Variants in SLIT3 observed in about 807,000 individuals in gnomAD.
SLIT3 encodes the protein slit homolog 3 protein.
Under a neutral mutation model 184.0 loss-of-function variants are expected in SLIT3, and 68 were observed. The observed-to-expected ratio is 0.37, with a 90% CI of 0.30 to 0.45. The LOEUF (loss-of-function observed/expected upper bound fraction) is 0.45, where lower values mean the gene tolerates loss of function less well. Among genes scored for constraint, SLIT3 ranks in the 20% least tolerant of loss-of-function variants. SLIT3 has a pLI of 1.00. For missense variants in SLIT3, 1,707 were observed against 2,026.0 expected, an observed-to-expected ratio of 0.84 and a Z score of 3.02; for synonymous variants, 831 against 828.6, an observed-to-expected ratio of 1.00 and a Z score of -0.05.
intron 20 of SLIT3, among the ~76,000 whole-genome samples, chr5:168,740,989 A>C (rs1451359646): frequency 6.6e-6 from 1 of 152,208 alleles, no homozygotes; most frequent in Non-Finnish European, 1.5e-5. Context: ...AGGGAAGGGC[A>C]GGAAGCTCAC....
intron 1 of SLIT3, among the ~76,000 whole-genome samples, chr5:169,279,246 G>A (rs1236104536): frequency 2.6e-5 from 4 of 152,224 alleles, no homozygotes; most frequent in African/African-American, 7.2e-5. Context: ...CAAAGTGTGA[G>A]TGAAGGGTGG....
chr5:168,675,652 A>G (rs1382416348), intron 32 of SLIT3, among the ~76,000 whole-genome samples: 1 of 152,194 alleles, frequency 6.6e-6, no homozygotes, highest in African/African-American at 2.4e-5. Context: ...AGACCACTTG[A>G]GCCCAGGTGT....
intron 5 of SLIT3, among the ~76,000 whole-genome samples, chr5:168,873,930 A>G (rs1217822494): frequency 6.6e-6 from 1 of 152,198 alleles, no homozygotes; most frequent in African/African-American, 2.4e-5. Flanking sequence ...CTCCATGTTA[A>G]TACTCATCTC....
At chr5:168,822,894 T>C (rs979182474) in intron 7 of SLIT3, among the ~76,000 whole-genome samples, 1 of 152,210 alleles carries the variant, frequency 6.6e-6, no homozygotes. Flanking sequence ...TGACATTAGC[T>C]AAGCAAATGG....
At chr5:169,070,077 G>A (rs757063446) in intron 4 of SLIT3, among the ~76,000 whole-genome samples, 1 of 152,140 alleles carries the variant, frequency 6.6e-6, no homozygotes, top group Non-Finnish European at 1.5e-5. Flanking sequence ...TTGGAAGGTA[G>A]GATTGGTCTG....
intron 1 of SLIT3, chr5:169,263,737 GCTTCTCCCTTCCCTGAA>G (rs775043375): frequency 4.0e-6 from 2 of 502,784 alleles, no homozygotes; most frequent in Admixed American, 4.5e-5. Context: ...TCTCGTGCTG[GCTTCTCCCTTCCCTGAA>G]CTTCTGAACT....
chr5:169,044,909 C>A (rs1717136218), intron 4 of SLIT3, among the ~76,000 whole-genome samples: 1 of 152,158 alleles, frequency 6.6e-6, no homozygotes, highest in Non-Finnish European at 1.5e-5. Flanking sequence ...ATTTTTTGAT[C>A]ATCAACAACA....
At chr5:169,285,873 C>G (rs771506403) in intron 1 of SLIT3, among the ~76,000 whole-genome samples, 1 of 152,234 alleles carries the variant, frequency 6.6e-6, no homozygotes, top group African/African-American at 2.4e-5. Context: ...ATTCCAGACT[C>G]TGCAGATGAT....
At chr5:168,777,168 GCTCAGGCAA>G (rs1755790701) in intron 12 of SLIT3, among the ~76,000 whole-genome samples, 1 of 151,694 alleles carries the variant, frequency 6.6e-6, no homozygotes, top group South Asian at 2.1e-4. Context: ...AAATTCAGGA[GCTCAGGCAA>G]CCCTAGGTTC....
intron 25 of SLIT3, among the ~76,000 whole-genome samples, chr5:168,710,380 A>C (rs1329559933): frequency 6.6e-6 from 1 of 152,230 alleles, no homozygotes; most frequent in Non-Finnish European, 1.5e-5. Flanking sequence ...TAATATGATC[A>C]ATAAAAAAAT....
intron 4 of SLIT3, among the ~76,000 whole-genome samples, chr5:168,955,632 C>T (rs1000663272): frequency 2.0e-5 from 3 of 152,194 alleles, no homozygotes; most frequent in Non-Finnish European, 4.4e-5. Flanking sequence ...AGGGGGCAGG[C>T]TTGGGAGACC....
chr5:169,004,123 A>G (rs922786218), intron 4 of SLIT3, among the ~76,000 whole-genome samples: 3 of 152,104 alleles, frequency 2.0e-5, no homozygotes, highest in African/African-American at 4.8e-5. Context: ...CCATTAATTG[A>G]AAGGACTTTT....
At chr5:168,868,749 A>T (rs74738600) in intron 5 of SLIT3, among the ~76,000 whole-genome samples, 2 of 121,978 alleles carry the variant, frequency 1.6e-5, no homozygotes, top group East Asian at 4.2e-4. Context: ...ATCTGCCTCA[A>T]AAAAAAAAAA....
At chr5:169,248,675 A>G (rs186626191) in intron 2 of SLIT3, among the ~76,000 whole-genome samples, 2 of 152,246 alleles carry the variant, frequency 1.3e-5, no homozygotes, top group East Asian at 1.9e-4. Flanking sequence ...ATCGCCCCCC[A>G]TGTGATGACG....
chr5:168,928,724 AG>A (rs1465641300), intron 4 of SLIT3, among the ~76,000 whole-genome samples: 2 of 152,372 alleles, frequency 1.3e-5, no homozygotes, highest in East Asian at 3.9e-4. Context: ...GAATGGCTGT[AG>A]TTAATACTGT....
At chr5:168,730,728 T>C (rs577607142) in intron 20 of SLIT3, among the ~76,000 whole-genome samples, 13 of 151,880 alleles carry the variant, frequency 8.6e-5, no homozygotes, top group African/African-American at 2.4e-4. Flanking sequence ...GCAAAAGCAG[T>C]GCTAAGAGGG....
intron 5 of SLIT3, among the ~76,000 whole-genome samples, chr5:168,852,290 T>G (rs1004064779): frequency 6.6e-6 from 1 of 152,254 alleles, no homozygotes; most frequent in Admixed American, 6.5e-5. Context: ...TTTTTTACTC[T>G]GTTTTTCTAA....
Position 168,760,954 on chromosome 5 carries a change from T to C in SLIT3, c.1611-18A>G, listed in dbSNP as rs772747474. On this transcript the variant is annotated intron_variant, in intron 15 of 35. Transcript: ENST00000519560. ...TCAGTCGCCTGTGTAGGAAGCAAGA[T>C]GAGTGGTAGGTTAGCTGTGGACGAG... 3.7e-6 allele frequency: 6 copies of C among 1,601,062 alleles called. No individual in the cohort carries two copies. Among genetic ancestry groups the C allele is most frequent in the African/African-American group, 1.3e-5 (1 of 74,648 alleles).
intron 1 of SLIT3, among the ~76,000 whole-genome samples, chr5:169,281,353 G>A (rs1004907560): frequency 6.6e-6 from 1 of 152,140 alleles, no homozygotes; most frequent in Non-Finnish European, 1.5e-5. Context: ...ACGGGTGCCT[G>A]TAATCCCAGC....
Sources: allele counts gnomAD v4.1 joint callset (sites outside exome capture counted in the v4.1 genomes callset), GRCh38; gene constraint gnomAD v4.1.1; transcripts MANE v1.5; gene names NCBI Gene and HGNC (gene_info 2026-07-23, HGNC 2026-07-21).